The following TNPO1 variants were observed in gnomAD, a reference collection of about 807,000 sequenced individuals.
TNPO1 encodes transportin 1.
TNPO1 carries 8 observed loss-of-function variants against 119.5 expected under a neutral mutation model. The observed-to-expected ratio is 0.07, with a 90% confidence interval of 0.04 to 0.12. The LOEUF (loss-of-function observed/expected upper bound fraction) is 0.12, where lower values mean the gene tolerates loss of function less well. TNPO1 is among the 10% of genes least tolerant of loss of function. The probability of loss-of-function intolerance (pLI) is 1.00; values close to 1 mark genes in which losing one functional copy is unlikely to be tolerated. For synonymous variants in TNPO1, 362 were observed against 363.0 expected, an observed-to-expected ratio of 1.00 and a Z score of 0.03; for missense variants, 576 against 1,089.8, an observed-to-expected ratio of 0.53 and a Z score of 6.64.
chr5:72,865,616 G>A lies in TNPO1; in HGVS notation c.483G>A (p.Gln161=), dbSNP rs1412586695. Reference sequence around the variant, plus strand: ...TACAGGGAGCATTTGGTGCCCTTCAGAAGATTTGTGAAGATTCTGCTGAGA... The same window carrying A: ...TACAGGGAGCATTTGGTGCCCTTCAAAAGATTTGTGAAGATTCTGCTGAGA... ...NTCEGAFGAL[Q]KICEDSAEIL... Residue 161 remains glutamine (Q), a synonymous_variant, in exon 6 of 25, where the codon CAG becomes CAA. Transcript: ENST00000337273. 6.2e-7 allele frequency: 1 copy of A among 1,612,490 alleles called. No individual in the cohort carries two copies. Among genetic ancestry groups the A allele is most frequent in the South Asian group, 1.1e-5 (1 of 90,920 alleles).
chr5:72,838,523 A>G (rs1035605800), intron 1 of TNPO1, among the ~76,000 whole-genome samples: 3 of 152,210 alleles, frequency 2.0e-5, no homozygotes, highest in Non-Finnish European at 4.4e-5. Flanking sequence ...GGCTATTTGC[A>G]TCATAGCCTT....
rs774100674 is a variant in TNPO1 at position 72,861,790 on chromosome 5, AGT to A, written c.356-13_356-12del. On this transcript the variant is annotated splice_polypyrimidine_tract_variant and intron_variant, in intron 4 of 24. Transcript: ENST00000337273. ...ATAATGCTGTTGGATTTCCTAAAGA[AGT>A]GTGTTTTTGTTCAAGGTATTTTGAT... 1 of 1,556,630 alleles carries A rather than the reference AGT, an allele frequency of 6.4e-7. No individual in the cohort carries two copies. The highest frequency in any genetic ancestry group is 1.1e-5 in the South Asian group (1 of 89,812).
intron 1 of TNPO1, among the ~76,000 whole-genome samples, chr5:72,824,039 C>T (rs1217986572): frequency 1.3e-5 from 2 of 152,124 alleles, no homozygotes; most frequent in African/African-American, 4.8e-5. Flanking sequence ...CTCCACATAC[C>T]TCTGGCACTC....
Position 72,853,082 on chromosome 5 carries a change from A to T in TNPO1, c.205+1763A>T, listed in dbSNP as rs539314368. Among the ~76,000 whole-genome samples the T allele has an allele frequency of 1.4e-4, 22 of 152,208 alleles. No homozygotes were observed. The East Asian group carries it at 3.1e-3, about 21-fold the overall frequency. ...AATATTAGGATTGTTACAATATTAT[A>T]CTCTTGAGTACAGCTTTCTTGGGAT... On this transcript the variant is annotated intron_variant, in intron 3 of 24. Coordinates refer to ENST00000337273, the MANE Select transcript of TNPO1 (RefSeq NM_002270.4).
intron 6 of TNPO1, among the ~76,000 whole-genome samples, chr5:72,866,350 TAACTG>T (rs1746899432): frequency 6.6e-6 from 1 of 152,230 alleles, no homozygotes; most frequent in African/African-American, 2.4e-5. Context: ...CTGGCATAGT[TAACTG>T]GATAGGAGTT....
chr5:72,908,086 TTC>T (rs201623417), intron 24 of TNPO1, among the ~76,000 whole-genome samples: 3 of 152,076 alleles, frequency 2.0e-5, no homozygotes, highest in African/African-American at 4.8e-5. Flanking sequence ...ATTTGCTTTT[TTC>T]TCTCTCTCTT....
At chr5:72,880,986 A>G (rs1243188017) in intron 9 of TNPO1, among the ~76,000 whole-genome samples, 1 of 151,486 alleles carries the variant, frequency 6.6e-6, no homozygotes. Flanking sequence ...TTATTTTCTG[A>G]CCTCATTTTT....
intron 11 of TNPO1, among the ~76,000 whole-genome samples, chr5:72,886,357 T>C (rs1179126251): frequency 1.3e-5 from 2 of 152,232 alleles, no homozygotes; most frequent in African/African-American, 4.8e-5. Flanking sequence ...CTAGATGATA[T>C]ACTGCTGGAA....
chr5:72,884,774 A>AG (rs922973363), intron 11 of TNPO1, among the ~76,000 whole-genome samples: 1 of 152,004 alleles, frequency 6.6e-6, no homozygotes, highest in Admixed American at 6.6e-5. Context: ...CTACATGTGA[A>AG]TGCCACATCA....
At chr5:72,885,329 C>T (rs376590799) in intron 11 of TNPO1, among the ~76,000 whole-genome samples, 1 of 152,134 alleles carries the variant, frequency 6.6e-6, no homozygotes, top group South Asian at 2.1e-4. Context: ...AAATTACTTC[C>T]CAGTGTATCC....
At chr5:72,887,932 A>C in intron 12 of TNPO1, 146 bp from the exon 13 acceptor site, 1 of 758,586 alleles carries the variant, frequency 1.3e-6, no homozygotes. Context: ...AGGGTTTTAA[A>C]AATAATTTTG....
intron 1 of TNPO1, among the ~76,000 whole-genome samples, chr5:72,828,358 C>T (rs1181377163): frequency 3.3e-5 from 5 of 152,054 alleles, no homozygotes; most frequent in East Asian, 1.9e-4. Context: ...GGGGGATGAA[C>T]GGAGTCTAAG....
chr5:72,891,551 C>CT (rs1189461951), intron 14 of TNPO1, among the ~76,000 whole-genome samples: 6 of 152,038 alleles, frequency 3.9e-5, no homozygotes, highest in Non-Finnish European at 8.8e-5. Flanking sequence ...TTGATAGACT[C>CT]TTTTTTTCAA....
At chr5:72,891,592 C>G (rs1014216743) in intron 14 of TNPO1, among the ~76,000 whole-genome samples, 2 of 152,092 alleles carry the variant, frequency 1.3e-5, no homozygotes, top group South Asian at 2.1e-4. Context: ...ATCACTAGTT[C>G]TAGATCTAAA....
intron 19 of TNPO1, 28 bp from the exon 20 acceptor site, chr5:72,897,028 G>GT (rs768212286): frequency 1.8e-5 from 26 of 1,485,614 alleles, no homozygotes; most frequent in African/African-American, 2.9e-5. Context: ...TTTCTTTTTT[G>GT]TTTTTTTCTT....
chr5:72,832,199 C>T (rs1233053315), intron 1 of TNPO1, among the ~76,000 whole-genome samples: 1 of 152,096 alleles, frequency 6.6e-6, no homozygotes, highest in Admixed American at 6.5e-5. Flanking sequence ...TTTTACACTA[C>T]CATCAGTAAT....
chr5:72,894,053 T>C (rs1561354047), intron 18 of TNPO1, among the ~76,000 whole-genome samples: 1 of 152,180 alleles, frequency 6.6e-6, no homozygotes, highest in Non-Finnish European at 1.5e-5. Flanking sequence ...TACACAGAAA[T>C]AGTAATAATC....
intron 1 of TNPO1, among the ~76,000 whole-genome samples, chr5:72,817,578 A>AT (rs1172695606): frequency 6.6e-6 from 1 of 152,224 alleles, no homozygotes; most frequent in Non-Finnish European, 1.5e-5. Flanking sequence ...CTATCAGTAG[A>AT]TGTAAATGTA....
At chr5:72,860,622 A>G (rs573245639) in intron 4 of TNPO1, among the ~76,000 whole-genome samples, 56 of 152,364 alleles carry the variant, frequency 3.7e-4, no homozygotes, top group African/African-American at 1.3e-3. Context: ...CTGGCGACTC[A>G]TTCTTGATCC....
Sources: allele counts gnomAD v4.1 joint callset (sites outside exome capture counted in the v4.1 genomes callset), GRCh38; gene constraint gnomAD v4.1.1; transcripts MANE v1.5; gene names NCBI Gene and HGNC (gene_info 2026-07-23, HGNC 2026-07-21).